GPATCH2: variants seen among roughly 807,000 people sequenced by gnomAD.
GPATCH2 encodes G patch domain-containing protein 2.
GPATCH2 carries 51 observed loss-of-function variants against 58.0 expected under a neutral mutation model. The observed-to-expected ratio is 0.88, with a 90% CI of 0.70 to 1.11. The LOEUF (loss-of-function observed/expected upper bound fraction) is 1.11, where lower values mean the gene tolerates loss of function less well. GPATCH2 is among the 50% of genes most tolerant of loss of function. GPATCH2 has a pLI of 0.00. For missense variants in GPATCH2, 625 were observed against 652.2 expected, an observed-to-expected ratio of 0.96 and a Z score of 0.45; for synonymous variants, 222 against 218.5, an observed-to-expected ratio of 1.02 and a Z score of -0.14.
intron 5 of GPATCH2, among the ~76,000 whole-genome samples, chr1:217,602,922 T>A (rs529560128): frequency 6.6e-6 from 1 of 152,198 alleles, no homozygotes; most frequent in South Asian, 2.1e-4. Flanking sequence ...AGAATTTATT[T>A]ATATTTATTA....
chr1:217,496,779 C>T (rs1416644630), intron 7 of GPATCH2, among the ~76,000 whole-genome samples: 1 of 152,070 alleles, frequency 6.6e-6, no homozygotes, highest in Admixed American at 6.5e-5. Flanking sequence ...CTGTATTTCC[C>T]CTACAAGCAA....
At chr1:217,557,170 G>A (rs1378224382) in intron 5 of GPATCH2, among the ~76,000 whole-genome samples, 1 of 152,194 alleles carries the variant, frequency 6.6e-6, no homozygotes, top group East Asian at 1.9e-4. Flanking sequence ...ACTTTGGGAG[G>A]CCAAGGCGGG....
At chr1:217,512,817 T>C (rs1258911619) in intron 6 of GPATCH2, among the ~76,000 whole-genome samples, 1 of 152,184 alleles carries the variant, frequency 6.6e-6, no homozygotes, top group African/African-American at 2.4e-5. Context: ...CTGATAAAAC[T>C]GTGCAGTACC....
At chr1:217,595,461 A>C (rs1187470961) in intron 5 of GPATCH2, among the ~76,000 whole-genome samples, 1 of 152,112 alleles carries the variant, frequency 6.6e-6, no homozygotes, top group Non-Finnish European at 1.5e-5. Context: ...TTTAATTTGC[A>C]ACAGAACTGG....
At chr1:217,504,708 A>T (rs982671686) in intron 6 of GPATCH2, among the ~76,000 whole-genome samples, 2 of 152,192 alleles carry the variant, frequency 1.3e-5, no homozygotes, top group African/African-American at 2.4e-5. Context: ...GTCTGATTCC[A>T]TATCTTGTAT....
chr1:217,572,494 G>A (rs890461640), intron 5 of GPATCH2, among the ~76,000 whole-genome samples: 10 of 152,174 alleles, frequency 6.6e-5, no homozygotes, highest in Non-Finnish European at 7.4e-5. Context: ...TGGGCACCCT[G>A]TGTTTGCTGA....
intron 6 of GPATCH2, among the ~76,000 whole-genome samples, chr1:217,509,601 C>T (rs1662738605): frequency 6.6e-6 from 1 of 152,166 alleles, no homozygotes; most frequent in African/African-American, 2.4e-5. Flanking sequence ...AAGGCTCATT[C>T]TAGCTCTAGT....
At chr1:217,436,150 T>C (rs1658821958) in intron 9 of GPATCH2, among the ~76,000 whole-genome samples, 1 of 152,114 alleles carries the variant, frequency 6.6e-6, no homozygotes. Flanking sequence ...AACATATTTC[T>C]TATGGAATGC....
At chr1:217,600,879 G>A (rs1205572583) in intron 5 of GPATCH2, among the ~76,000 whole-genome samples, 1 of 152,024 alleles carries the variant, frequency 6.6e-6, no homozygotes, top group African/African-American at 2.4e-5. Flanking sequence ...AGTCTAAGAC[G>A]TATTTTTAGA....
In GPATCH2 at chr1:217,429,857, A is replaced by G. The variant is rs1433034978; in HGVS notation, c.*1288T>C. ...AAAAAAAAAAAAAAAGAAACAAAAAAACTCTTTTGGAAAGTGACAAGATTT... is the reference window on the plus strand; with the variant it reads ...AAAAAAAAAAAAAAAGAAACAAAAAGACTCTTTTGGAAAGTGACAAGATTT... On this transcript the variant is annotated 3_prime_UTR_variant, in exon 10 of 10. Coordinates refer to ENST00000366935, the MANE Select transcript of GPATCH2 (RefSeq NM_018040.5). The G allele has an allele frequency of 6.6e-6, 1 of 151,440 alleles. No homozygotes were observed. The highest frequency in any genetic ancestry group is 2.4e-5 in the African/African-American group (1 of 41,190). The allele number at this position is 151,440 out of a possible 1,614,324, so 9.4% of individuals were successfully genotyped here. A position where few individuals can be genotyped will look rare whatever the true frequency, so the allele number is the denominator to read the frequency against.
chr1:217,574,261 T>C (rs934290043), intron 5 of GPATCH2, among the ~76,000 whole-genome samples: 1 of 152,188 alleles, frequency 6.6e-6, no homozygotes, highest in Non-Finnish European at 1.5e-5. Flanking sequence ...TCAGTTGCAA[T>C]GGGCTTATTT....
chr1:217,519,517 TA>T (rs913093495), intron 5 of GPATCH2, among the ~76,000 whole-genome samples: 2 of 152,128 alleles, frequency 1.3e-5, no homozygotes, highest in African/African-American at 4.8e-5. Flanking sequence ...TAAAGAGGAA[TA>T]AAAAATCACC....
chr1:217,570,528 A>AC (rs1281276190), intron 5 of GPATCH2, among the ~76,000 whole-genome samples: 1 of 152,094 alleles, frequency 6.6e-6, no homozygotes, highest in Non-Finnish European at 1.5e-5. Flanking sequence ...GACAGAGAAC[A>AC]TTTTTTTTAA....
At chr1:217,464,413 C>T (rs1271367099) in intron 8 of GPATCH2, among the ~76,000 whole-genome samples, 2 of 152,104 alleles carry the variant, frequency 1.3e-5, no homozygotes, top group African/African-American at 4.8e-5. Context: ...CTCTACCACT[C>T]AATGGAAAGT....
At chr1:217,529,712 A>G (rs1428440894) in intron 5 of GPATCH2, among the ~76,000 whole-genome samples, 1 of 152,166 alleles carries the variant, frequency 6.6e-6, no homozygotes, top group Non-Finnish European at 1.5e-5. Context: ...TCCTCCACCA[A>G]TGTACTTCTT....
chr1:217,440,559 G>A (rs1437711009), intron 9 of GPATCH2, among the ~76,000 whole-genome samples: 2 of 152,176 alleles, frequency 1.3e-5, no homozygotes, highest in Non-Finnish European at 2.9e-5. Context: ...TAGGAAGAGA[G>A]GAAGTCAAAT....
At chr1:217,618,905 A>G (rs892469871) in intron 2 of GPATCH2, among the ~76,000 whole-genome samples, 1 of 151,810 alleles carries the variant, frequency 6.6e-6, no homozygotes, top group Non-Finnish European at 1.5e-5. Flanking sequence ...GGAGGTTGCA[A>G]TGAGCTGAGA....
intron 8 of GPATCH2, among the ~76,000 whole-genome samples, chr1:217,463,132 G>A (rs1660272049): frequency 6.6e-6 from 1 of 152,102 alleles, no homozygotes; most frequent in Admixed American, 6.6e-5. Flanking sequence ...GAAACTCTGC[G>A]GTTGAGATCA....
At chr1:217,447,608 A>G (rs1236128152) in intron 9 of GPATCH2, among the ~76,000 whole-genome samples, 4 of 152,326 alleles carry the variant, frequency 2.6e-5, no homozygotes, top group African/African-American at 9.6e-5. Context: ...TATTCTATAC[A>G]AATACAAACG....
Sources: allele counts gnomAD v4.1 joint callset (sites outside exome capture counted in the v4.1 genomes callset), GRCh38; gene constraint gnomAD v4.1.1; transcripts MANE v1.5; gene names NCBI Gene and HGNC (gene_info 2026-07-23, HGNC 2026-07-21).